The following PDE6A variants were observed in gnomAD, a reference collection of about 807,000 sequenced individuals.
PDE6A encodes the protein rod cGMP-specific 3',5'-cyclic phosphodiesterase subunit alpha.
PDE6A carries 84 observed loss-of-function variants against 106.3 expected under a neutral mutation model. That is an observed-to-expected ratio of 0.79 (90% CI 0.66 to 0.95). The LOEUF (loss-of-function observed/expected upper bound fraction) is 0.95. Among genes scored for constraint, PDE6A ranks in the 40% least tolerant of loss-of-function variants. The pLI is 0.00. For missense variants in PDE6A, 1,052 were observed against 1,084.9 expected (o/e 0.97, Z 0.43); for synonymous variants, 394 against 386.6 (o/e 1.02, Z -0.23).
chr5:149,901,952 A>G (rs927600837), intron 8 of PDE6A, among the ~76,000 whole-genome samples: 23 of 152,244 alleles, frequency 1.5e-4, no homozygotes, highest in African/African-American at 5.5e-4. Context: ...AAACCAAATC[A>G]GTAGTGACAG....
At chr5:149,866,075 T>G in intron 20 of PDE6A, 95 bp downstream of exon 20, 1 of 870,586 alleles carries the variant, frequency 1.1e-6, no homozygotes, top group Non-Finnish European at 2.0e-6. Flanking sequence ...TATCACCCAC[T>G]GGTCACCTGC....
At chr5:149,919,271 C>T (rs1753638485) in intron 5 of PDE6A, among the ~76,000 whole-genome samples, 2 of 152,060 alleles carry the variant, frequency 1.3e-5, no homozygotes, top group African/African-American at 4.8e-5. Context: ...CTTTGGGAGG[C>T]GGAGGTGGGC....
intron 17 of PDE6A, among the ~76,000 whole-genome samples, chr5:149,876,926 G>GATAGATAGATAGATAGATAGATAGATAC (rs961450003): frequency 2.8e-4 from 43 of 151,966 alleles, no homozygotes; most frequent in African/African-American, 9.9e-4. Context: ...TAGATAGATA[G>GATAGATAGATAGATAGATAGATAGATAC]ATAGATACAT....
intron 20 of PDE6A, among the ~76,000 whole-genome samples, chr5:149,865,871 A>G (rs764290107): frequency 1.3e-5 from 2 of 152,262 alleles, no homozygotes; most frequent in African/African-American, 4.8e-5. Context: ...TCCACCAGCT[A>G]GGGAACTTAG....
chr5:149,908,073 T>C (rs890336424), intron 6 of PDE6A, among the ~76,000 whole-genome samples: 2 of 152,252 alleles, frequency 1.3e-5, no homozygotes, highest in South Asian at 2.1e-4. Context: ...CATGTTTTCC[T>C]GTACCTGTTA....
chr5:149,922,711 A>C (rs1753757994), intron 4 of PDE6A, among the ~76,000 whole-genome samples: 1 of 152,210 alleles, frequency 6.6e-6, no homozygotes, highest in African/African-American at 2.4e-5. Flanking sequence ...TTTTGTAATC[A>C]GGAAAAAATA....
At chr5:149,876,926 G>GATAGATAGATAGATAC (rs961450003) in intron 17 of PDE6A, among the ~76,000 whole-genome samples, 5 of 151,968 alleles carry the variant, frequency 3.3e-5, no homozygotes, top group African/African-American at 1.2e-4. Context: ...TAGATAGATA[G>GATAGATAGATAGATAC]ATAGATACAT....
chr5:149,873,895 A>T (rs1051989360), intron 17 of PDE6A, among the ~76,000 whole-genome samples: 1 of 151,998 alleles, frequency 6.6e-6, no homozygotes, highest in Non-Finnish European at 1.5e-5. Context: ...AGTCCTAGCT[A>T]CTTAGGAGGC....
chr5:149,909,048 A>G (rs1753289680), intron 6 of PDE6A, among the ~76,000 whole-genome samples: 2 of 151,776 alleles, frequency 1.3e-5, no homozygotes, highest in South Asian at 4.2e-4. Flanking sequence ...TTTTTTCAAG[A>G]TAGGGTCTTA....
intron 4 of PDE6A, among the ~76,000 whole-genome samples, chr5:149,928,427 G>A (rs1282503939): frequency 1.3e-5 from 2 of 150,436 alleles, no homozygotes; most frequent in Non-Finnish European, 3.0e-5. Flanking sequence ...TAGTAGAGAC[G>A]GGGTTTCACC....
rs201559297 is a variant in PDE6A, at chr5:149,884,200, AT to A, written c.2027+278del. 1.9e-3 allele frequency among the ~76,000 whole-genome samples: 256 copies of A among 136,256 alleles called. 1 individual carries two copies. The highest frequency in any genetic ancestry group is 3.4e-3 in the African/African-American group (123 of 36,270). 89.4% of individuals were successfully genotyped at this position (136,256 alleles called of 152,430 possible). A position where few individuals can be genotyped will look rare whatever the true frequency, so the allele number is the denominator to read the frequency against. ...CTGTCTCAAAAAAGAAAAAAAAAAA[AT>A]ATATATATATATATACACACACACA... On this transcript the variant is annotated intron_variant, in intron 16 of 21. Transcript: ENST00000255266.
At chr5:149,903,956 G>T (rs557633284) in intron 7 of PDE6A, among the ~76,000 whole-genome samples, 51 of 152,290 alleles carry the variant, frequency 3.3e-4, no homozygotes, top group African/African-American at 1.2e-3. Flanking sequence ...GCTACAATTT[G>T]TCATTACTAG....
At chr5:149,921,865 A>C (rs771736924) in intron 4 of PDE6A, among the ~76,000 whole-genome samples, 156 bp from the exon 5 acceptor site, 3 of 152,226 alleles carry the variant, frequency 2.0e-5, no homozygotes, top group Admixed American at 6.5e-5. Context: ...GACTCACTAC[A>C]GTTAGAAAAT....
chr5:149,887,134 C>A (rs529786439), intron 13 of PDE6A, among the ~76,000 whole-genome samples: 1 of 152,128 alleles, frequency 6.6e-6, no homozygotes, highest in Non-Finnish European at 1.5e-5. Context: ...GTGAAAAATA[C>A]GAACACAAAT....
Position 149,883,450 on chromosome 5 carries a change from T to C in PDE6A, c.2114A>G (p.Gln705Arg). 6.8e-6 allele frequency: 11 copies of C among 1,612,876 alleles called. No homozygotes were observed. Among genetic ancestry groups the C allele is most frequent in the Non-Finnish European group, 9.3e-6 (11 of 1,178,840 alleles). The change falls in exon 17 of 22, where the codon CAG becomes CGG. Residue 705 changes from glutamine (Q) to arginine (R), a missense_variant. By Grantham distance (43) the Gln-to-Arg change is conservative. Around this residue, in one of 3 missense-constraint regions of PDE6A, gnomAD observed 913 missense variants for 915.2 expected, o/e 1.00. Transcript: ENST00000255266. ...QEWTQYMMLE[Q>R]TRKEIVMAMM... ...TCACATAACGATTTCCTTCCGTGTCTGCTCCAGCATCATGTACTGTGTCCA... is the reference window on the plus strand; with the variant it reads ...TCACATAACGATTTCCTTCCGTGTCCGCTCCAGCATCATGTACTGTGTCCA...
Position 149,863,351 on chromosome 5 carries a change from A to G in PDE6A, c.2359-85T>C, listed in dbSNP as rs2113495477. The G allele has an allele frequency of 7.2e-7, 1 of 1,389,510 alleles. No homozygotes were observed. Among genetic ancestry groups the G allele is most frequent in the Non-Finnish European group, 1.0e-6 (1 of 983,210 alleles). 86.1% of individuals were successfully genotyped at this position (1,389,510 alleles called of 1,614,324 possible). A position where few individuals can be genotyped will look rare whatever the true frequency, so the allele number is the denominator to read the frequency against. On this transcript the variant is annotated intron_variant, in intron 20 of 21. Transcript: ENST00000255266. This position sits in a 1 kb window ranked among gnomAD's most constrained non-coding sequence, Gnocchi z 4.7. ...CGGGTGGCACAGCTGGAAACGTCCA[A>G]CACTGGAATGAGCTGCTTCGGAGTA...
intron 16 of PDE6A, 22 bp from the exon 17 acceptor site, chr5:149,883,558 T>C: frequency 6.6e-7 from 1 of 1,516,610 alleles, no homozygotes; most frequent in Non-Finnish European, 9.2e-7. Context: ...ATCAGTCTAG[T>C]AAAGGGAGCA....
At chr5:149,920,552 C>G (rs186043239) in intron 5 of PDE6A, among the ~76,000 whole-genome samples, 2 of 152,122 alleles carry the variant, frequency 1.3e-5, no homozygotes, top group Non-Finnish European at 2.9e-5. Flanking sequence ...TGCACTCCAG[C>G]CTGGGTGACA....
chr5:149,860,651 C>G lies in PDE6A; in HGVS notation c.*244G>C. ...AACATTATGAAATTTTTTTTTTTGG[C>G]GATTTTTTTTTTTAAGTTCAACAGC... On this transcript the variant is annotated 3_prime_UTR_variant, in exon 22 of 22. Coordinates refer to ENST00000255266, the MANE Select transcript of PDE6A (RefSeq NM_000440.3). 2 of 352,516 alleles carry G rather than the reference C, an allele frequency of 5.7e-6. No homozygotes were observed. Among genetic ancestry groups the G allele is most frequent in the Non-Finnish European group, 1.0e-5 (2 of 195,810 alleles). The allele number at this position is 352,516 out of a possible 1,614,324, so 21.8% of individuals were successfully genotyped here.
Sources: allele counts gnomAD v4.1 joint callset (sites outside exome capture counted in the v4.1 genomes callset), GRCh38; gene constraint gnomAD v4.1.1; regional missense constraint gnomAD v4.1.1; non-coding constraint Gnocchi (gnomAD v3.1); transcripts MANE v1.5; gene names NCBI Gene and HGNC (gene_info 2026-07-23, HGNC 2026-07-21).